Variants in RIMS2 observed in about 807,000 individuals in gnomAD.
The protein encoded by RIMS2 is regulating synaptic membrane exocytosis protein 2.
In RIMS2, 59 loss-of-function variants were observed where a neutral mutation model predicts 174.4. The ratio of observed to expected loss-of-function variants is 0.34; its 90% CI spans 0.27 to 0.42. The LOEUF is 0.42. RIMS2 is among the 10% of genes least tolerant of loss of function. RIMS2 has a pLI of 1.00. For synonymous variants in RIMS2, 606 were observed against 572.5 expected, an observed-to-expected ratio of 1.06 and a Z score of -0.84; for missense variants, 1,620 against 1,666.3, an observed-to-expected ratio of 0.97 and a Z score of 0.48.
intron 19 of RIMS2, among the ~76,000 whole-genome samples, chr8:104,089,384 A>G (rs2097592757): frequency 6.6e-6 from 1 of 151,920 alleles, no homozygotes; most frequent in Admixed American, 6.6e-5. Context: ...TAGGAAAAGT[A>G]AAACTACATT....
chr8:104,195,149 A>G (rs1367268599), intron 19 of RIMS2, among the ~76,000 whole-genome samples: 1 of 152,206 alleles, frequency 6.6e-6, no homozygotes, highest in Non-Finnish European at 1.5e-5. Context: ...AGTATTTTTG[A>G]TAATAGAAAT....
At chr8:103,616,459 C>T (rs2095507077) in intron 1 of RIMS2, among the ~76,000 whole-genome samples, 1 of 152,188 alleles carries the variant, frequency 6.6e-6, no homozygotes, top group African/African-American at 2.4e-5. Flanking sequence ...AAGACTGACA[C>T]AAGGCAAGAA....
intron 15 of RIMS2, 135 bp from the exon 18 acceptor site, chr8:103,975,215 T>C: frequency 2.0e-6 from 1 of 506,670 alleles, no homozygotes; most frequent in East Asian, 3.1e-5. Context: ...TATCATGGTT[T>C]ATTCACTATA....
intron 1 of RIMS2, among the ~76,000 whole-genome samples, chr8:103,572,076 G>A (rs2092854474): frequency 6.6e-6 from 1 of 152,140 alleles, no homozygotes; most frequent in South Asian, 2.1e-4. Flanking sequence ...AAGATGGTGT[G>A]TCAGGAGTTT....
intron 1 of RIMS2, among the ~76,000 whole-genome samples, chr8:103,577,392 C>T (rs1033906055): frequency 6.6e-6 from 1 of 152,076 alleles, no homozygotes; most frequent in Non-Finnish European, 1.5e-5. Context: ...TTCAACCAAA[C>T]ACTGATAAGT....
chr8:104,050,448 G>A (rs2096766958), intron 19 of RIMS2, among the ~76,000 whole-genome samples: 1 of 152,092 alleles, frequency 6.6e-6, no homozygotes, highest in South Asian at 2.1e-4. Context: ...AATAATCCAG[G>A]AAGTCTTATC....
chr8:103,819,957 A>G (rs900125158), intron 3 of RIMS2, among the ~76,000 whole-genome samples: 4 of 152,140 alleles, frequency 2.6e-5, no homozygotes, highest in African/African-American at 7.2e-5. Context: ...GGCAGTGATT[A>G]CATTGCATAT....
intron 2 of RIMS2, among the ~76,000 whole-genome samples, chr8:103,706,136 T>C (rs536516180): frequency 7.9e-5 from 12 of 152,244 alleles, no homozygotes; most frequent in Admixed American, 5.9e-4. Flanking sequence ...TAGAAAGTTA[T>C]TTTAAACTGA....
intron 4 of RIMS2, among the ~76,000 whole-genome samples, chr8:103,899,825 T>C (rs2099317272): frequency 6.6e-6 from 1 of 151,732 alleles, no homozygotes; most frequent in African/African-American, 2.4e-5. Flanking sequence ...ATTACCTAGG[T>C]TTTCTTCTAG....
intron 16 of RIMS2, among the ~76,000 whole-genome samples, chr8:103,988,635 T>A (rs975304757): frequency 1.3e-5 from 2 of 152,106 alleles, no homozygotes; most frequent in African/African-American, 4.8e-5. Context: ...GATTTTTTAT[T>A]TTTTAGTAGA....
At chr8:103,788,582 C>T (rs1010173491) in intron 3 of RIMS2, among the ~76,000 whole-genome samples, 42 of 151,936 alleles carry the variant, frequency 2.8e-4, no homozygotes, top group African/African-American at 8.7e-4. Context: ...TTAGGCTGCT[C>T]GGGGGTCAGG....
intron 18 of RIMS2, among the ~76,000 whole-genome samples, chr8:104,014,170 G>A (rs1237342578): frequency 6.6e-6 from 1 of 152,056 alleles, no homozygotes; most frequent in Non-Finnish European, 1.5e-5. Flanking sequence ...TTTGAAATCT[G>A]GTAGAAAGAA....
intron 19 of RIMS2, among the ~76,000 whole-genome samples, chr8:104,095,324 G>A (rs1015937371): frequency 9.2e-5 from 14 of 152,112 alleles, no homozygotes; most frequent in Non-Finnish European, 1.6e-4. Flanking sequence ...AGATTACAAA[G>A]CAGGAGCAAT....
chr8:104,105,633 T>A (rs1316018444), intron 19 of RIMS2, among the ~76,000 whole-genome samples: 1 of 152,140 alleles, frequency 6.6e-6, no homozygotes, highest in Admixed American at 6.6e-5. Flanking sequence ...AATGGTGCTA[T>A]CATAGCTCAC....
At chr8:103,500,937 C>T (rs1481297932) in exon 1 of RIMS2, 8 of 1,608,212 alleles carry the variant, frequency 5.0e-6, no homozygotes, top group Non-Finnish European at 6.8e-6. Flanking sequence ...TCCCGGCGGC[C>T]TCTCAGCCGC....
At chr8:104,032,494 G>A (rs2096417015) in intron 19 of RIMS2, among the ~76,000 whole-genome samples, 1 of 151,910 alleles carries the variant, frequency 6.6e-6, no homozygotes, top group Non-Finnish European at 1.5e-5. Flanking sequence ...CACAAGCTTA[G>A]CATTCCAATT....
chr8:104,082,265 GA>G (rs2097434703), intron 19 of RIMS2, among the ~76,000 whole-genome samples: 1 of 152,030 alleles, frequency 6.6e-6, no homozygotes, highest in Non-Finnish European at 1.5e-5. Context: ...AAGAATGGAG[GA>G]AGGCAGGCTA....
intron 1 of RIMS2, among the ~76,000 whole-genome samples, chr8:103,668,371 C>T (rs1490288623): frequency 3.3e-5 from 5 of 152,170 alleles, no homozygotes; most frequent in Non-Finnish European, 7.4e-5. Flanking sequence ...TTCTGATAAC[C>T]TTTTAGCTAC....
At chr8:104,032,736 G>A (rs1302502885) in intron 19 of RIMS2, among the ~76,000 whole-genome samples, 1 of 151,910 alleles carries the variant, frequency 6.6e-6, no homozygotes. Flanking sequence ...TAATGTTAAA[G>A]TATTTTTATG....
Sources: allele counts gnomAD v4.1 joint callset (sites outside exome capture counted in the v4.1 genomes callset), GRCh38; gene constraint gnomAD v4.1.1; transcripts MANE v1.5; gene names NCBI Gene and HGNC (gene_info 2026-07-23, HGNC 2026-07-21).